PPP1R12B: variants seen among roughly 807,000 people sequenced by gnomAD.
PPP1R12B encodes myosin phosphatase target subunit 2.
In PPP1R12B, 76 loss-of-function variants were observed where a neutral mutation model predicts 126.1. The observed-to-expected ratio is 0.60, with a 90% CI of 0.50 to 0.73. The LOEUF (loss-of-function observed/expected upper bound fraction) is 0.73, where lower values mean the gene tolerates loss of function less well. Among genes scored for constraint, PPP1R12B ranks in the 30% least tolerant of loss-of-function variants. PPP1R12B has a pLI of 0.00. For missense variants in PPP1R12B, 1,052 were observed against 1,205.1 expected (o/e 0.87, Z 1.88); for synonymous variants, 356 against 434.7 (o/e 0.82, Z 2.25).
At position 202,540,123 on chromosome 1, in the gene PPP1R12B, C is replaced by G. The variant is rs767047184; in HGVS notation, c.2491-18754C>G. On this transcript the variant is annotated intron_variant, in intron 18 of 23. Transcript: ENST00000608999. ...AAGAATCCAGTGGTTGAGTGTCTAT[C>G]TGCATCCTGAGGAACCATGTCCTCT... 8.1e-6 allele frequency: 13 copies of G among 1,599,158 alleles called. No individual in the cohort carries two copies. The South Asian group carries it at 1.5e-4, about 18-fold the overall frequency.
chr1:202,511,049 TATA>T lies in PPP1R12B; in HGVS notation c.2490+14234_2490+14236del, dbSNP rs1006265317. Among the ~76,000 whole-genome samples the T allele has an allele frequency of 2.5e-4, 37 of 146,952 alleles. No individual in the cohort carries two copies. In the South Asian group the frequency reaches 4.0e-3, roughly 16 times the overall value. On this transcript the variant is annotated intron_variant, in intron 18 of 23. Transcript: ENST00000608999. ...TATAAATATAACAATTATATCATAA[TATA>T]ATAATATATAATATATATTATATAT...
Position 202,449,133 on chromosome 1 carries a change from T to A in PPP1R12B, c.1812T>A (p.Thr604=). 6.2e-7 allele frequency: 1 copy of A among 1,612,946 alleles called. No homozygotes were observed. The highest frequency in any genetic ancestry group is 8.5e-7 in the Non-Finnish European group (1 of 1,179,342). Residue 604 remains threonine, a synonymous_variant, in exon 13 of 24, where the codon ACT becomes ACA. Transcript: ENST00000608999. ...GVTATPVLSI[T]GTDSSVEARE... The stretch of plus-strand genomic sequence containing the variant: ...CAGCTACTCCTGTGCTCTCCATTAC[T>A]GGAACAGATTCCTCTGTGGAAGCCA...
At chr1:202,530,923 T>C (rs1315388416) in intron 18 of PPP1R12B, among the ~76,000 whole-genome samples, 1 of 152,242 alleles carries the variant, frequency 6.6e-6, no homozygotes, top group Non-Finnish European at 1.5e-5. Context: ...TTTTCTTACA[T>C]GTGGAATTAA....
chr1:202,522,603 A>G (rs1235812605), intron 18 of PPP1R12B, among the ~76,000 whole-genome samples: 1 of 152,160 alleles, frequency 6.6e-6, no homozygotes, highest in Non-Finnish European at 1.5e-5. Flanking sequence ...AAAATAAAAT[A>G]TGTAAGTAGT....
chr1:202,532,126 G>T (rs1424342102), intron 18 of PPP1R12B, among the ~76,000 whole-genome samples: 7 of 152,170 alleles, frequency 4.6e-5, no homozygotes, highest in Non-Finnish European at 1.0e-4. Flanking sequence ...CCCCATTTTA[G>T]ACCATATAGG....
intron 10 of PPP1R12B, chr1:202,438,535 C>CTGGAGGG (rs1558227504): frequency 2.6e-4 from 109 of 418,070 alleles, no homozygotes; most frequent in African/African-American, 1.8e-3. Flanking sequence ...GCTGCCCCCG[C>CTGGAGGG]TGGGCATGGG....
intron 1 of PPP1R12B, among the ~76,000 whole-genome samples, chr1:202,351,572 A>T (rs889648044): frequency 6.6e-6 from 1 of 152,002 alleles, no homozygotes; most frequent in Non-Finnish European, 1.5e-5. Flanking sequence ...ATAAAAGACT[A>T]TTTTCAAATG....
At chr1:202,538,701 TTAGTG>T (rs1191449398) in intron 18 of PPP1R12B, among the ~76,000 whole-genome samples, 1 of 152,230 alleles carries the variant, frequency 6.6e-6, no homozygotes, top group African/African-American at 2.4e-5. Flanking sequence ...GAAATTTTGG[TTAGTG>T]TAGTGGTAAC....
intron 1 of PPP1R12B, among the ~76,000 whole-genome samples, chr1:202,382,237 C>T (rs1662403579): frequency 7.5e-6 from 1 of 132,794 alleles, no homozygotes; most frequent in Non-Finnish European, 1.5e-5. Flanking sequence ...AACACTTGGA[C>T]ACTGGAAGGG....
Position 202,422,688 on chromosome 1 carries a change from C to T in PPP1R12B, c.491C>T (p.Ala164Val). The T allele has an allele frequency of 1.2e-6, 2 of 1,613,764 alleles. No homozygotes were observed. The highest frequency in any genetic ancestry group is 1.7e-6 in the Non-Finnish European group (2 of 1,179,790). The change falls in exon 3 of 24, where the codon GCA becomes GTA. Residue 164 changes from alanine to valine, a missense_variant. Ala to Val is a moderately conservative substitution (Grantham distance 64). Coordinates refer to ENST00000608999, the MANE Select transcript of PPP1R12B (RefSeq NM_002481.4). ...NSEGEVPSDL[A>V]EEPAMKDLLL... Reference sequence around the variant, plus strand: ...GAAGGTGAAGTTCCCTCTGACCTTGCAGAAGAGCCAGCCATGAAGGATCTT... The same window carrying T: ...GAAGGTGAAGTTCCCTCTGACCTTGTAGAAGAGCCAGCCATGAAGGATCTT...
At chr1:202,355,888 T>C (rs1406155837) in intron 1 of PPP1R12B, among the ~76,000 whole-genome samples, 1 of 152,052 alleles carries the variant, frequency 6.6e-6, no homozygotes, top group East Asian at 1.9e-4. Context: ...CTCCTATAGG[T>C]GTTTAGCATG....
intron 18 of PPP1R12B, among the ~76,000 whole-genome samples, chr1:202,525,787 T>C (rs908456875): frequency 1.1e-4 from 16 of 152,072 alleles, no homozygotes; most frequent in African/African-American, 3.6e-4. Flanking sequence ...AGCCTACGCC[T>C]CCCAGGTTCA....
intron 21 of PPP1R12B, 114 bp downstream of exon 21, chr1:202,564,661 G>T (rs934727968): frequency 9.4e-6 from 7 of 741,852 alleles, no homozygotes; most frequent in Non-Finnish European, 1.5e-5. Context: ...AGGCCTTCTC[G>T]GGGCAATGAG....
At chr1:202,578,917 C>T (rs990000168) in intron 23 of PPP1R12B, among the ~76,000 whole-genome samples, 25 of 152,164 alleles carry the variant, frequency 1.6e-4, no homozygotes, top group Admixed American at 8.5e-4. Flanking sequence ...TTTTGTTTTC[C>T]ATCCCACGTG....
rs181254781 is a variant in PPP1R12B, at chr1:202,535,632, T to C, written c.2491-23245T>C. 7.0e-3 allele frequency among the ~76,000 whole-genome samples: 1,068 copies of C among 152,308 alleles called. 17 individuals are homozygous for C. The highest frequency in any genetic ancestry group is 0.024 in the African/African-American group (1,000 of 41,568). ...TAACAACGCCCTAAAGTTTATAGAC[T>C]TTTTTCTTCCCTCTTTTTTACCTAC... On this transcript the variant is annotated intron_variant, in intron 18 of 23. Transcript: ENST00000608999.
chr1:202,506,295 G>T (rs1463860596), intron 18 of PPP1R12B, among the ~76,000 whole-genome samples: 2 of 152,162 alleles, frequency 1.3e-5, no homozygotes, highest in African/African-American at 2.4e-5. Context: ...TTCTATATAT[G>T]GGTTGTGTCT....
At chr1:202,394,477 G>A (rs1489475252) in intron 1 of PPP1R12B, among the ~76,000 whole-genome samples, 3 of 151,946 alleles carry the variant, frequency 2.0e-5, no homozygotes, top group South Asian at 4.1e-4. Flanking sequence ...ATTTGGGGCC[G>A]GGCACAGTGG....
chr1:202,414,227 G>A (rs1397964693), intron 1 of PPP1R12B, among the ~76,000 whole-genome samples: 2 of 152,160 alleles, frequency 1.3e-5, no homozygotes, highest in Non-Finnish European at 2.9e-5. Context: ...CGACCTGATA[G>A]TTTCTTAAAT....
chr1:202,527,666 T>C (rs1232449920), intron 18 of PPP1R12B, among the ~76,000 whole-genome samples: 1 of 152,118 alleles, frequency 6.6e-6, no homozygotes, highest in African/African-American at 2.4e-5. Flanking sequence ...TTTAAAGAAA[T>C]TTAATCATAC....
Sources: allele counts gnomAD v4.1 joint callset (sites outside exome capture counted in the v4.1 genomes callset), GRCh38; gene constraint gnomAD v4.1.1; transcripts MANE v1.5; gene names NCBI Gene and HGNC (gene_info 2026-07-23, HGNC 2026-07-21).